Variants in KLC1 observed in about 807,000 individuals in gnomAD.
KLC1 encodes kinesin light chain 1, also known as kinesin 2 60/70kDa.
Under a neutral mutation model 84.2 loss-of-function variants are expected in KLC1, and 30 were observed. The observed-to-expected ratio is 0.36, with a 90% CI of 0.27 to 0.48. KLC1 has a LOEUF of 0.48. Ranked by LOEUF, KLC1 falls within the 20% of genes least tolerant of loss-of-function variation. The pLI, the probability that KLC1 is intolerant of heterozygous loss-of-function variation, is 0.99. For missense variants in KLC1, 499 were observed against 805.4 expected (o/e 0.62, Z 4.60); for synonymous variants, 289 against 293.3 (o/e 0.99, Z 0.15).
intron 1 of KLC1, among the ~76,000 whole-genome samples, chr14:103,634,408 T>G (rs114546577): frequency 3.3e-4 from 51 of 152,246 alleles, no homozygotes; most frequent in African/African-American, 1.2e-3. Context: ...AGGATGAGAT[T>G]ATGAGTTTGT....
chr14:103,634,795 G>C (rs1029560314), intron 1 of KLC1, among the ~76,000 whole-genome samples: 2 of 152,042 alleles, frequency 1.3e-5, no homozygotes, highest in African/African-American at 4.8e-5. Context: ...TTCCCAGGCT[G>C]GTCTCGAATT....
At chr14:103,644,030 A>G (rs774727985) in intron 1 of KLC1, among the ~76,000 whole-genome samples, 12 of 152,096 alleles carry the variant, frequency 7.9e-5, no homozygotes, top group East Asian at 2.0e-4. Context: ...CCTGGGTAAC[A>G]TGGTGAAACC....
rs1449757360 is a variant in KLC1, at chr14:103,694,401, G to A, written c.1848+1976G>A. 2.1e-5 allele frequency: 20 copies of A among 971,698 alleles called. No individual in the cohort carries two copies. Among genetic ancestry groups the A allele is most frequent in the African/African-American group, 5.3e-5 (3 of 56,874 alleles). The allele number at this position is 971,698 out of a possible 1,614,324, so 60.2% of individuals were successfully genotyped here. On this transcript the variant is annotated intron_variant, in intron 15 of 16. Coordinates refer to ENST00000334553, the MANE Select transcript of KLC1 (RefSeq NM_001394837.1). The surrounding 1 kb of genome is among the most constrained non-coding windows in gnomAD (Gnocchi z 4.5). ...CGAGTAGCTGGGACTACAGGCACCC[G>A]CCAGGCGGATCACAAGGTCAGGAGA...
rs376493046 is a variant in KLC1, at chr14:103,655,213, C to T, written c.261+388C>T. On this transcript the variant is annotated intron_variant, in intron 2 of 16. Coordinates refer to ENST00000334553, the MANE Select transcript of KLC1 (RefSeq NM_001394837.1). ...CTGCACTCCAGCCTGGGTGACAGAG[C>T]GAGACTTTTTCTCAAAGAAAAAACA... 9.5e-4 allele frequency among the ~76,000 whole-genome samples: 144 copies of T among 151,440 alleles called. 1 individual carries two copies. The highest frequency in any genetic ancestry group is 3.4e-3 in the Middle Eastern group (1 of 290).
At chr14:103,696,157 A>T (rs189688707) in intron 15 of KLC1, 1,258 of 965,982 alleles carry the variant, frequency 1.3e-3, no homozygotes, top group Non-Finnish European at 1.5e-3. Flanking sequence ...CAACCATGGC[A>T]TGGGAGCGTC....
At chr14:103,630,705 T>C (rs1166610922) in intron 1 of KLC1, among the ~76,000 whole-genome samples, 1 of 152,226 alleles carries the variant, frequency 6.6e-6, no homozygotes, top group Non-Finnish European at 1.5e-5. Flanking sequence ...GTGAGAAATT[T>C]GACCTATTGC....
At chr14:103,657,440 A>T (rs568282208) in intron 2 of KLC1, 106 bp from the exon 3 acceptor site, 1 of 762,320 alleles carries the variant, frequency 1.3e-6, no homozygotes, top group Non-Finnish European at 2.2e-6. Flanking sequence ...TGGAGAAAAT[A>T]TCTGCGAGTG....
intron 1 of KLC1, among the ~76,000 whole-genome samples, chr14:103,644,810 G>GA (rs1439597399): frequency 6.6e-6 from 1 of 152,038 alleles, no homozygotes; most frequent in Non-Finnish European, 1.5e-5. Context: ...CAATTTTTTT[G>GA]GGGGGTCAAG....
At chr14:103,676,215 T>C (rs2080863322) in intron 11 of KLC1, among the ~76,000 whole-genome samples, 1 of 152,076 alleles carries the variant, frequency 6.6e-6, no homozygotes, top group Non-Finnish European at 1.5e-5. Context: ...GACTGCCCTC[T>C]GTGATGGCTG....
At chr14:103,648,317 C>T (rs1401939013) in intron 1 of KLC1, among the ~76,000 whole-genome samples, 2 of 152,166 alleles carry the variant, frequency 1.3e-5, no homozygotes, top group Non-Finnish European at 2.9e-5. Flanking sequence ...CAAAATGCTA[C>T]AGACAGGATT....
At position 103,693,500 on chromosome 14, in the gene KLC1, C is replaced by T; in HGVS notation, c.1848+1075C>T. ...TAGGCCTGAGGCCATTTGAAGCTGG[C>T]ATCATTTGAAGTCCTGGTTAAGTGT... On this transcript the variant is annotated intron_variant, in intron 15 of 16. Transcript: ENST00000334553. This position sits in a 1 kb window ranked among gnomAD's most constrained non-coding sequence, Gnocchi z 5.1. 6.5e-7 allele frequency: 1 copy of T among 1,534,808 alleles called. No individual in the cohort carries two copies. The highest frequency in any genetic ancestry group is 8.7e-7 in the Non-Finnish European group (1 of 1,146,190).
intron 2 of KLC1, among the ~76,000 whole-genome samples, chr14:103,655,230 G>GA (rs2078743514): frequency 6.6e-6 from 1 of 151,610 alleles, no homozygotes; most frequent in East Asian, 1.9e-4. Context: ...TTTTCTCAAA[G>GA]AAAAAACAAA....
At chr14:103,696,660 G>T (rs1330608040) in intron 15 of KLC1, 1 of 985,388 alleles carries the variant, frequency 1.0e-6, no homozygotes, top group African/African-American at 1.7e-5. Flanking sequence ...GTGCAGCGGG[G>T]CCAGCTGTCT....
chr14:103,695,524 TGTG>T, intron 15 of KLC1: 5 of 985,246 alleles, frequency 5.1e-6, no homozygotes, highest in Non-Finnish European at 6.0e-6. Flanking sequence ...GAGCTTCCCT[TGTG>T]GTGGGGGTGC....
At chr14:103,657,010 C>T (rs1489927370) in intron 2 of KLC1, among the ~76,000 whole-genome samples, 1 of 152,100 alleles carries the variant, frequency 6.6e-6, no homozygotes, top group Non-Finnish European at 1.5e-5. Flanking sequence ...ATGACATAAA[C>T]ATAAGCTTAT....
chr14:103,699,440 C>A (rs1261492669), intron 15 of KLC1: 1 of 1,612,850 alleles, frequency 6.2e-7, no homozygotes, highest in African/African-American at 1.3e-5. Context: ...CTGCAGATGC[C>A]TGGCCCTGGG....
chr14:103,658,066 C>G (rs1407567715), intron 3 of KLC1, among the ~76,000 whole-genome samples: 1 of 152,176 alleles, frequency 6.6e-6, no homozygotes, highest in Non-Finnish European at 1.5e-5. Context: ...GTGGTCCAAT[C>G]TGGCCGTCTG....
intron 3 of KLC1, among the ~76,000 whole-genome samples, chr14:103,659,105 G>GTA (rs1432987151): frequency 2.6e-5 from 4 of 151,918 alleles, no homozygotes; most frequent in African/African-American, 9.7e-5. Flanking sequence ...AGCCTTCCAA[G>GTA]TAGCTGGGAT....
In KLC1 at chr14:103,679,479, C is replaced by T. The variant is rs145448505; in HGVS notation, c.1584C>T (p.Asp528=). The T allele has an allele frequency of 1.1e-4, 182 of 1,613,954 alleles. No homozygotes were observed. Among genetic ancestry groups the T allele is most frequent in the Middle Eastern group, 9.9e-4 (6 of 6,080 alleles). ...GGAGCCGTGAGAGCCTCAACGTGGA[C>T]GTGGTCAAGTACGAGAGTGGCCCTG... ...KRRSRESLNV[D]VVKYESGPDG... The change falls in exon 13 of 17, where the codon GAC becomes GAT. Residue 528 remains aspartate, a synonymous_variant. Transcript: ENST00000334553.
Sources: allele counts gnomAD v4.1 joint callset (sites outside exome capture counted in the v4.1 genomes callset), GRCh38; gene constraint gnomAD v4.1.1; non-coding constraint Gnocchi (gnomAD v3.1); transcripts MANE v1.5; gene names NCBI Gene and HGNC (gene_info 2026-07-23, HGNC 2026-07-21).